The following LUZP2 variants were observed in gnomAD, a reference collection of about 807,000 sequenced individuals.
LUZP2 encodes leucine zipper protein 2.
LUZP2 carries 52 observed loss-of-function variants against 51.6 expected under a neutral mutation model. The ratio of observed to expected loss-of-function variants is 1.01; its 90% CI spans 0.81 to 1.27. The LOEUF (loss-of-function observed/expected upper bound fraction) is 1.27, where lower values mean the gene tolerates loss of function less well. Ranked by LOEUF, LUZP2 falls within the 50% of genes most tolerant of loss-of-function variation. LUZP2 has a pLI of 0.00. For synonymous variants in LUZP2, 154 were observed against 137.3 expected (o/e 1.12, Z -0.85); for missense variants, 436 against 395.4 (o/e 1.10, Z -0.87).
intron 9 of LUZP2, among the ~76,000 whole-genome samples, chr11:25,047,347 T>TA (rs58632664): frequency 2.0e-5 from 2 of 97,670 alleles, no homozygotes; most frequent in African/African-American, 1.1e-4. Flanking sequence ...TTTATTTTTT[T>TA]TTTTTTTACT....
At chr11:24,561,583 A>G (rs1051943276) in intron 1 of LUZP2, among the ~76,000 whole-genome samples, 5 of 152,252 alleles carry the variant, frequency 3.3e-5, no homozygotes, top group African/African-American at 1.2e-4. Flanking sequence ...CAAACACTGC[A>G]TGTTCTCATG....
intron 1 of LUZP2, among the ~76,000 whole-genome samples, chr11:24,531,849 T>C (rs964156921): frequency 7.9e-5 from 12 of 151,050 alleles, no homozygotes; most frequent in South Asian, 2.1e-4. Flanking sequence ...TTAGAAGTCG[T>C]CCTTGGTAAC....
intron 1 of LUZP2, among the ~76,000 whole-genome samples, chr11:24,592,691 G>A (rs199938063): frequency 5.9e-4 from 88 of 148,822 alleles, no homozygotes; most frequent in Non-Finnish European, 4.5e-4. Flanking sequence ...TTGGAGAAAA[G>A]AAAAAAAAAA....
At position 24,976,383 on chromosome 11, in the gene LUZP2, C is replaced by A. The variant is rs371397886; in HGVS notation, c.523-208C>A. 1.2e-4 allele frequency among the ~76,000 whole-genome samples: 18 copies of A among 151,714 alleles called. No individual in the cohort carries two copies. In the East Asian group the frequency reaches 2.1e-3, roughly 18 times the overall value. On this transcript the variant is annotated intron_variant, in intron 7 of 11. Coordinates refer to ENST00000336930, the MANE Select transcript of LUZP2 (RefSeq NM_001009909.4). Reference sequence around the variant, plus strand: ...TTTAGTGCATATTCATCCAGAACTACCATTTTCTGCATATTAAATATTCTG... The same window carrying A: ...TTTAGTGCATATTCATCCAGAACTAACATTTTCTGCATATTAAATATTCTG...
intron 5 of LUZP2, among the ~76,000 whole-genome samples, chr11:24,883,858 A>C (rs1477658158): frequency 6.6e-6 from 1 of 152,056 alleles, no homozygotes; most frequent in Non-Finnish European, 1.5e-5. Flanking sequence ...AAAGAGTGTT[A>C]ACACACATAT....
chr11:24,545,405 T>C (rs530368500), intron 1 of LUZP2, among the ~76,000 whole-genome samples: 40 of 152,118 alleles, frequency 2.6e-4, no homozygotes, highest in African/African-American at 9.4e-4. Context: ...TTGTGGTTTT[T>C]AGTTTTACAT....
At chr11:24,675,907 C>A (rs186819886) in intron 1 of LUZP2, among the ~76,000 whole-genome samples, 1 of 151,944 alleles carries the variant, frequency 6.6e-6, no homozygotes, top group Admixed American at 6.6e-5. Context: ...CAACCTCCCC[C>A]TCCCGGGTTG....
Position 25,077,945 on chromosome 11 carries a change from C to CTCAGAAGG in LUZP2, c.936+543_936+550dup, listed in dbSNP as rs531641891. Among the ~76,000 whole-genome samples the CTCAGAAGG allele has an allele frequency of 5.9e-5, 9 of 152,242 alleles. 1 individual carries two copies. The South Asian group carries it at 1.9e-3, about 32-fold the overall frequency. On this transcript the variant is annotated intron_variant, in intron 11 of 11. Coordinates refer to ENST00000336930, the MANE Select transcript of LUZP2 (RefSeq NM_001009909.4). ...GCTTTTGGCTTGACTATATGAGGCTCTCAGAAGGTCAAGGGTGAGGGGAGT... is the reference window on the plus strand; with the variant it reads ...GCTTTTGGCTTGACTATATGAGGCTCTCAGAAGGTCAGAAGGTCAAGGGTGAGGGGAGT...
At chr11:25,073,666 C>T (rs1859221731) in intron 10 of LUZP2, among the ~76,000 whole-genome samples, 1 of 152,136 alleles carries the variant, frequency 6.6e-6, no homozygotes, top group South Asian at 2.1e-4. Context: ...CCCCTCTACT[C>T]AGCACCTTCT....
Position 24,669,100 on chromosome 11 carries a change from C to A in LUZP2, c.63-60069C>A, listed in dbSNP as rs369192179. On this transcript the variant is annotated intron_variant, in intron 1 of 11. Transcript: ENST00000336930. ...CACCAAAAAAGGAAATCAAAAGAACCAAGTTAAAGACCCAGCTCTGACAGT... is the reference window on the plus strand; with the variant it reads ...CACCAAAAAAGGAAATCAAAAGAACAAAGTTAAAGACCCAGCTCTGACAGT... 2.8e-4 allele frequency among the ~76,000 whole-genome samples: 42 copies of A among 152,180 alleles called. No individual in the cohort carries two copies. The East Asian group carries it at 4.1e-3, about 15-fold the overall frequency.
At chr11:25,005,900 C>T (rs904244168) in intron 9 of LUZP2, among the ~76,000 whole-genome samples, 12 of 152,174 alleles carry the variant, frequency 7.9e-5, no homozygotes, top group South Asian at 2.1e-4. Context: ...CTGTTAGTAT[C>T]GGGATCTTAC....
At chr11:24,831,489 G>A (rs1590609322) in intron 5 of LUZP2, among the ~76,000 whole-genome samples, 1 of 152,110 alleles carries the variant, frequency 6.6e-6, no homozygotes, top group South Asian at 2.1e-4. Flanking sequence ...GAAGGTACAG[G>A]CAGTATAGTA....
intron 1 of LUZP2, among the ~76,000 whole-genome samples, chr11:24,713,485 G>C (rs1257644910): frequency 6.6e-6 from 1 of 151,868 alleles, no homozygotes; most frequent in Non-Finnish European, 1.5e-5. Context: ...TATATAGTAA[G>C]TCCTTCATAT....
At chr11:24,872,992 G>C (rs1055149825) in intron 5 of LUZP2, among the ~76,000 whole-genome samples, 1 of 152,072 alleles carries the variant, frequency 6.6e-6, no homozygotes, top group Non-Finnish European at 1.5e-5. Flanking sequence ...CCTTGATTTT[G>C]ACTGTAAGGA....
intron 9 of LUZP2, among the ~76,000 whole-genome samples, chr11:25,049,291 G>T (rs970307235): frequency 4.6e-5 from 7 of 152,028 alleles, no homozygotes; most frequent in African/African-American, 1.7e-4. Flanking sequence ...GTACCCTCAG[G>T]GATTGAGGAG....
chr11:24,934,450 A>G (rs566047419), intron 7 of LUZP2, among the ~76,000 whole-genome samples: 2 of 152,286 alleles, frequency 1.3e-5, no homozygotes, highest in African/African-American at 2.4e-5. Context: ...CTGTTCATTT[A>G]TTTGAAAACT....
intron 5 of LUZP2, among the ~76,000 whole-genome samples, chr11:24,811,310 G>A (rs886379842): frequency 2.6e-5 from 4 of 151,888 alleles, no homozygotes; most frequent in African/African-American, 9.7e-5. Flanking sequence ...ACTTTTACCG[G>A]TTTTGCTCTT....
chr11:24,769,439 G>C (rs79752409), intron 5 of LUZP2, among the ~76,000 whole-genome samples: 1 of 152,088 alleles, frequency 6.6e-6, no homozygotes, highest in South Asian at 2.1e-4. Flanking sequence ...TAGATATGCT[G>C]ATTACTCTGA....
intron 1 of LUZP2, among the ~76,000 whole-genome samples, chr11:24,544,347 G>A (rs986962361): frequency 2.0e-5 from 3 of 152,010 alleles, no homozygotes. Flanking sequence ...GTAAACTTGT[G>A]TCATGGGGGT....
Sources: allele counts gnomAD v4.1 joint callset (sites outside exome capture counted in the v4.1 genomes callset), GRCh38; gene constraint gnomAD v4.1.1; transcripts MANE v1.5; gene names NCBI Gene and HGNC (gene_info 2026-07-23, HGNC 2026-07-21).